Variants in SH3GL2 observed in about 807,000 individuals in gnomAD.
SH3GL2 encodes the protein endophilin-A1.
SH3GL2 carries 24 observed loss-of-function variants against 46.0 expected under a neutral mutation model. The observed-to-expected ratio is 0.52, with a 90% CI of 0.38 to 0.73. The LOEUF is 0.73. Ranked by LOEUF, SH3GL2 falls within the 30% of genes least tolerant of loss-of-function variation. SH3GL2 has a pLI of 0.00. For synonymous variants in SH3GL2, 196 were observed against 147.1 expected, an observed-to-expected ratio of 1.33 and a Z score of -2.40; for missense variants, 413 against 424.2, an observed-to-expected ratio of 0.97 and a Z score of 0.23.
chr9:17,735,367 C>T (rs1009166225), intron 1 of SH3GL2, among the ~76,000 whole-genome samples: 6 of 152,106 alleles, frequency 3.9e-5, no homozygotes, highest in Non-Finnish European at 8.8e-5. Flanking sequence ...TATAGAAAAT[C>T]CAGAAATGTC....
chr9:17,587,644 G>A (rs750344845), intron 1 of SH3GL2, among the ~76,000 whole-genome samples: 1 of 152,192 alleles, frequency 6.6e-6, no homozygotes, highest in Non-Finnish European at 1.5e-5. Context: ...TTGGGAGGCC[G>A]AGGTGGGCGG....
chr9:17,698,139 A>G (rs567562773), intron 1 of SH3GL2, among the ~76,000 whole-genome samples: 1 of 152,350 alleles, frequency 6.6e-6, no homozygotes, highest in African/African-American at 2.4e-5. Context: ...ATATGGTAGT[A>G]GAAGGAGTCC....
At chr9:17,655,772 G>C (rs2182085) in intron 1 of SH3GL2, among the ~76,000 whole-genome samples, 2 of 152,046 alleles carry the variant, frequency 1.3e-5, no homozygotes, top group Non-Finnish European at 2.9e-5. Flanking sequence ...GAACATGTCT[G>C]ATCCATGTAG....
intron 1 of SH3GL2, among the ~76,000 whole-genome samples, chr9:17,688,922 T>A (rs1366198361): frequency 6.6e-6 from 1 of 152,050 alleles, no homozygotes; most frequent in Non-Finnish European, 1.5e-5. Flanking sequence ...ACCTGCCCAC[T>A]CTTTAAGTGT....
intron 1 of SH3GL2, among the ~76,000 whole-genome samples, chr9:17,698,528 G>C (rs1050062822): frequency 6.6e-6 from 1 of 152,046 alleles, no homozygotes; most frequent in Non-Finnish European, 1.5e-5. Context: ...CTGAATTCTA[G>C]GTTTTAGATA....
intron 1 of SH3GL2, 110 bp downstream of exon 1, chr9:17,579,397 C>A: frequency 1.8e-6 from 1 of 564,252 alleles, no homozygotes; most frequent in Non-Finnish European, 2.6e-6. Context: ...CCGAGCCTCG[C>A]CCGCGCCGGC....
chr9:17,761,647 A>T, intron 3 of SH3GL2, 138 bp downstream of exon 3: 3 of 756,610 alleles, frequency 4.0e-6, no homozygotes, highest in Non-Finnish European at 7.3e-6. Flanking sequence ...TAGCGACTTC[A>T]TGGATAGCAC....
chr9:17,758,802 A>G (rs10810847), intron 2 of SH3GL2, among the ~76,000 whole-genome samples: 74,609 of 151,796 alleles, frequency 0.49, 18,789 homozygotes, highest in East Asian at 0.88. Flanking sequence ...TAGGTAACCA[A>G]AAGTGTTGAA....
chr9:17,743,614 A>G (rs1822596653), intron 1 of SH3GL2, among the ~76,000 whole-genome samples: 2 of 140,306 alleles, frequency 1.4e-5, no homozygotes, highest in South Asian at 4.5e-4. Flanking sequence ...CAAATAGTTA[A>G]AGCCAATGGA....
chr9:17,736,541 G>C (rs907527466), intron 1 of SH3GL2, among the ~76,000 whole-genome samples: 2 of 152,066 alleles, frequency 1.3e-5, no homozygotes, highest in African/African-American at 4.8e-5. Flanking sequence ...CTGTGAGCAT[G>C]GTGCCAGTAG....
At chr9:17,619,869 A>G (rs998236092) in intron 1 of SH3GL2, among the ~76,000 whole-genome samples, 2 of 152,196 alleles carry the variant, frequency 1.3e-5, no homozygotes, top group African/African-American at 4.8e-5. Context: ...TAGACTCTTC[A>G]TATATACTGT....
At chr9:17,707,523 T>C (rs549451786) in intron 1 of SH3GL2, among the ~76,000 whole-genome samples, 1 of 152,188 alleles carries the variant, frequency 6.6e-6, no homozygotes, top group African/African-American at 2.4e-5. Flanking sequence ...TACTGTGCTG[T>C]ACTAACTTTG....
intron 1 of SH3GL2, among the ~76,000 whole-genome samples, chr9:17,601,244 T>G (rs994619461): frequency 6.6e-6 from 1 of 151,816 alleles, no homozygotes; most frequent in Admixed American, 6.6e-5. Context: ...TTCTTTTTCT[T>G]TTTTTGGAAT....
At chr9:17,628,446 G>A (rs1588186385) in intron 1 of SH3GL2, among the ~76,000 whole-genome samples, 1 of 138,508 alleles carries the variant, frequency 7.2e-6, no homozygotes, top group African/African-American at 2.7e-5. Flanking sequence ...GTGTGTGTGT[G>A]TGTGTGTATG....
chr9:17,589,099 A>C (rs1346436233), intron 1 of SH3GL2: 1 of 152,250 alleles, frequency 6.6e-6, no homozygotes, highest in Non-Finnish European at 1.5e-5. Flanking sequence ...CCATATGTAC[A>C]TACACAACAT....
chr9:17,751,863 T>C (rs191333475), intron 2 of SH3GL2, among the ~76,000 whole-genome samples: 2 of 152,050 alleles, frequency 1.3e-5, no homozygotes, highest in East Asian at 3.9e-4. Flanking sequence ...ACCCCCCCGG[T>C]GTGGGGATGT....
chr9:17,620,350 A>G (rs1485438030), intron 1 of SH3GL2, among the ~76,000 whole-genome samples: 1 of 152,242 alleles, frequency 6.6e-6, no homozygotes, highest in Non-Finnish European at 1.5e-5. Flanking sequence ...AAAAGGAAAA[A>G]TAGCAAATAC....
intron 1 of SH3GL2, among the ~76,000 whole-genome samples, chr9:17,703,581 A>G (rs1465538812): frequency 6.6e-6 from 1 of 152,120 alleles, no homozygotes; most frequent in Non-Finnish European, 1.5e-5. Context: ...CAAATCCAGT[A>G]GCACATCAAA....
At position 17,791,280 on chromosome 9, in the gene SH3GL2, A is replaced by G. The variant is rs1427434423; in HGVS notation, c.674A>G (p.Tyr225Cys). 6.2e-7 allele frequency: 1 copy of G among 1,613,682 alleles called. No individual in the cohort carries two copies. The highest frequency in any genetic ancestry group is 8.5e-7 in the Non-Finnish European group (1 of 1,179,718). ...GCACTTGTGCAAGCTCAGCTGGAGT[A>G]CCACAAGCAGGCAGTCCAGATCCTG... The part of the protein sequence containing the change: ...LSALVQAQLE[Y>C]HKQAVQILQQ... The change falls in exon 7 of 9, where the codon TAC becomes TGC. Residue 225 changes from tyrosine to cysteine, a missense_variant. Tyr to Cys is a radical substitution (Grantham distance 194). Coordinates refer to ENST00000380607, the MANE Select transcript of SH3GL2 (RefSeq NM_003026.5).
Sources: allele counts gnomAD v4.1 joint callset (sites outside exome capture counted in the v4.1 genomes callset), GRCh38; gene constraint gnomAD v4.1.1; transcripts MANE v1.5; gene names NCBI Gene and HGNC (gene_info 2026-07-23, HGNC 2026-07-21).